Variants in FANCM observed in about 807,000 individuals in gnomAD.
FANCM encodes FA complementation group M.
In FANCM, 140 loss-of-function variants were observed where a neutral mutation model predicts 199.5. The observed-to-expected ratio is 0.70, with a 90% CI of 0.61 to 0.81. FANCM has a LOEUF of 0.81. FANCM is among the 30% of genes least tolerant of loss of function. The pLI, the probability that FANCM is intolerant of heterozygous loss-of-function variation, is 0.00. For missense variants in FANCM, 2,410 were observed against 2,421.4 expected (o/e 1.00, Z 0.10); for synonymous variants, 840 against 836.8 (o/e 1.00, Z -0.07).
intron 20 of FANCM, among the ~76,000 whole-genome samples, chr14:45,190,343 T>C (rs1029197193): frequency 5.9e-5 from 9 of 152,208 alleles, no homozygotes; most frequent in African/African-American, 2.2e-4. Context: ...GAATTGACAA[T>C]TGTATATATT....
chr14:45,186,340 G>A (rs1448983054), intron 18 of FANCM, among the ~76,000 whole-genome samples: 2 of 152,156 alleles, frequency 1.3e-5, no homozygotes, highest in Non-Finnish European at 2.9e-5. Context: ...GCCATGTAAG[G>A]GCAGTTTACT....
rs1382403502 is a variant in FANCM, at chr14:45,198,933, C to T, written c.6006C>T (p.Asn2002=). The T allele has an allele frequency of 3.8e-6, 6 of 1,599,516 alleles. No individual in the cohort carries two copies. The highest frequency in any genetic ancestry group is 2.2e-5 in the South Asian group (2 of 90,586). The part of the protein sequence containing the change: ...HQFSSVKRMA[N]SSLQEISMYA... Reference sequence around the variant, plus strand: ...TTTCATCTGTGAAAAGGATGGCTAACAGGTATGTCTGTTGTAATATTTTTA... The same window carrying T: ...TTTCATCTGTGAAAAGGATGGCTAATAGGTATGTCTGTTGTAATATTTTTA... The change falls in exon 22 of 23, where the codon AAC becomes AAT. Residue 2002 remains asparagine, a splice_region_variant and synonymous_variant. Coordinates refer to ENST00000267430, the MANE Select transcript of FANCM (RefSeq NM_020937.4).
chr14:45,141,052 G>C (rs1343728968), intron 3 of FANCM, among the ~76,000 whole-genome samples: 1 of 152,078 alleles, frequency 6.6e-6, no homozygotes, highest in Admixed American at 6.6e-5. Context: ...ACTCTGGGAG[G>C]CCAAGGTGGG....
rs1370048715 is a variant in FANCM, at chr14:45,136,135, C to G, written c.104C>G (p.Pro35Arg). The change falls in exon 1 of 23, where the codon CCT becomes CGT. Residue 35 changes from proline (P) to arginine (R), a missense_variant. Pro to Arg is a moderately radical substitution (Grantham distance 103). Transcript: ENST00000267430. The stretch of plus-strand genomic sequence containing the variant: ...TCCGGAACTGAGCGACCTCAGAGCC[C>G]TGGCAGCTCCAAGGCGCCTTTGCCA... ...CSSGTERPQS[P>R]GSSKAPLPAA... 1 of 1,614,182 alleles carries G rather than the reference C, an allele frequency of 6.2e-7. No individual in the cohort carries two copies. Among genetic ancestry groups the G allele is most frequent in the Non-Finnish European group, 8.5e-7 (1 of 1,180,030 alleles).
chr14:45,164,885 T>TA, intron 10 of FANCM, among the ~76,000 whole-genome samples: 1 of 152,368 alleles, frequency 6.6e-6, no homozygotes, highest in East Asian at 1.9e-4. Context: ...GCTTTGTGTT[T>TA]AGTTTACTTT....
rs201803784 is a variant in FANCM, at chr14:45,187,817, G to A, written c.4709G>A (p.Arg1570His). The change falls in exon 19 of 23, where the codon CGT (arginine) becomes CAT (histidine). Residue 1570 changes from arginine (R) to histidine (H), a missense_variant. Physicochemically the swap from Arg to His is conservative, Grantham distance 29. Transcript: ENST00000267430. ...AGAGCTATTTACATGAAATCTTTGC[G>A]TAGTCCAATGATGAACAATAAGTAC... is the stretch of plus-strand genomic sequence containing the variant. ...EMRAIYMKSL[R>H]SPMMNNKYKM... The A allele has an allele frequency of 8.2e-5, 130 of 1,582,112 alleles. No homozygotes were observed. In the East Asian group the frequency reaches 1.4e-3, roughly 17 times the overall value.
chr14:45,162,523 T>A (rs1316144085), intron 9 of FANCM, among the ~76,000 whole-genome samples: 2 of 152,222 alleles, frequency 1.3e-5, no homozygotes, highest in Non-Finnish European at 2.9e-5. Flanking sequence ...CCAACAAAAT[T>A]ACTCTGTCAA....
In FANCM at chr14:45,176,011, A is replaced by G. The variant is rs565047214; in HGVS notation, c.3257A>G (p.His1086Arg). Residue 1086 changes from histidine to arginine, a missense_variant, in exon 14 of 23, where the codon CAT becomes CGT. Transcript: ENST00000267430. ...DEPSLCDCDVHKHNQNENLVP... is the reference protein window; with the variant it reads ...DEPSLCDCDVRKHNQNENLVP... ...CCAAGTCTCTGTGACTGTGATGTAC[A>G]TAAACATAATCAAAATGAAAATTTA... 1.2e-6 allele frequency: 2 copies of G among 1,613,690 alleles called. No homozygotes were observed. Among genetic ancestry groups the G allele is most frequent in the East Asian group, 2.2e-5 (1 of 44,870 alleles).
At chr14:45,184,729 G>T (rs762196156) in intron 17 of FANCM, among the ~76,000 whole-genome samples, 2 of 147,490 alleles carry the variant, frequency 1.4e-5, no homozygotes, top group East Asian at 2.0e-4. Context: ...AGAATTATCA[G>T]AATTTTTAAA....
At position 45,175,541 on chromosome 14, in the gene FANCM, T is replaced by G. The variant is rs200686372; in HGVS notation, c.2787T>G (p.Phe929Leu). 6.2e-7 allele frequency: 1 copy of G among 1,613,076 alleles called. No individual in the cohort carries two copies. The highest frequency in any genetic ancestry group is 1.7e-5 in the Admixed American group (1 of 60,004). ...EPCVLLTECQ[F>L]TNKSTSSLAG... ...GTGTGTTATTAACAGAGTGTCAGTTTACAAATAAATCCACTAGTTCACTTG... is the reference window on the plus strand; with the variant it reads ...GTGTGTTATTAACAGAGTGTCAGTTGACAAATAAATCCACTAGTTCACTTG... The change falls in exon 14 of 23, where the codon TTT becomes TTG. Residue 929 changes from phenylalanine (F) to leucine (L), a missense_variant. By Grantham distance (22) the Phe-to-Leu change is conservative. Coordinates refer to ENST00000267430, the MANE Select transcript of FANCM (RefSeq NM_020937.4).
intron 11 of FANCM, 181 bp downstream of exon 11, chr14:45,167,344 G>C: frequency 1.7e-6 from 1 of 584,180 alleles, no homozygotes; most frequent in Non-Finnish European, 3.0e-6. Flanking sequence ...GACACTGGTA[G>C]TATAGAGTGA....
Position 45,170,572 on chromosome 14 carries a change from A to G in FANCM, c.2003-17A>G. The G allele has an allele frequency of 6.4e-7, 1 of 1,570,210 alleles. No homozygotes were observed. The highest frequency in any genetic ancestry group is 2.2e-5 in the East Asian group (1 of 44,462). ...ATTTTTAAAAAGTCTCTTTTCCATT[A>G]TTTTTTCAACTTATAGGAATGAGGC... On this transcript the variant is annotated splice_polypyrimidine_tract_variant and intron_variant, in intron 11 of 22. Coordinates refer to ENST00000267430, the MANE Select transcript of FANCM (RefSeq NM_020937.4).
intron 21 of FANCM, 200 bp from the exon 22 acceptor site, chr14:45,198,444 A>C: frequency 2.2e-6 from 1 of 445,156 alleles, no homozygotes; most frequent in Non-Finnish European, 4.0e-6. Flanking sequence ...CGTTGATTCC[A>C]GCTCAAGGCG....
At chr14:45,167,809 A>G (rs565312719) in intron 11 of FANCM, among the ~76,000 whole-genome samples, 7 of 152,252 alleles carry the variant, frequency 4.6e-5, no homozygotes, top group Admixed American at 2.0e-4. Flanking sequence ...TAACATTTGG[A>G]AGGAACCTTG....
chr14:45,169,395 TC>T (rs1398380049), intron 11 of FANCM, among the ~76,000 whole-genome samples: 5 of 150,872 alleles, frequency 3.3e-5, no homozygotes, highest in Admixed American at 3.3e-4. Flanking sequence ...TTTTTTTTTT[TC>T]ATTTTTAATT....
At position 45,136,051 on chromosome 14, in the gene FANCM, C is replaced by A. The variant is rs1248885674; in HGVS notation, c.20C>A (p.Thr7Lys). 6.2e-7 allele frequency: 1 copy of A among 1,613,630 alleles called. No homozygotes were observed. The highest frequency in any genetic ancestry group is 1.3e-5 in the African/African-American group (1 of 75,042). ...GGCCTAATGAGCGGACGGCAAAGAA[C>A]GCTTTTTCAGACGTGGGGCTCAAGT... MSGRQR[T>K]LFQTWGSSIS... Residue 7 changes from threonine to lysine, a missense_variant, in exon 1 of 23, where the codon ACG (threonine) becomes AAG (lysine). By Grantham distance (78) the Thr-to-Lys change is moderately conservative (BLOSUM62 -1). Coordinates refer to ENST00000267430, the MANE Select transcript of FANCM (RefSeq NM_020937.4).
chr14:45,187,451 A>G (rs555525511), intron 18 of FANCM, among the ~76,000 whole-genome samples: 5 of 152,138 alleles, frequency 3.3e-5, no homozygotes, highest in Admixed American at 2.6e-4. Context: ...TGAAACTTCT[A>G]TAAATCTGGT....
chr14:45,198,677 G>A lies in FANCM; in HGVS notation c.5750G>A (p.Ser1917Asn), dbSNP rs747532888. The change falls in exon 22 of 23, where the codon AGC (serine) becomes AAC (asparagine). Residue 1917 changes from serine to asparagine, a missense_variant. By Grantham distance (46) the Ser-to-Asn change is conservative. Transcript: ENST00000267430. The stretch of plus-strand genomic sequence containing the variant: ...TCAAGGATGTTTAGGAGAACAAAGA[G>A]CTATGACAGCCTGCTGACTACCTTA... ...DTSRMFRRTK[S>N]YDSLLTTLIG... 3.0e-5 allele frequency: 48 copies of A among 1,613,470 alleles called. No individual in the cohort carries two copies. The highest frequency in any genetic ancestry group is 3.9e-5 in the Non-Finnish European group (46 of 1,179,482).
In FANCM at chr14:45,195,038, C is replaced by A. The variant is rs139381705; in HGVS notation, c.5341-1134C>A. On this transcript the variant is annotated intron_variant, in intron 20 of 22. Coordinates refer to ENST00000267430, the MANE Select transcript of FANCM (RefSeq NM_020937.4). Reference sequence around the variant, plus strand: ...TGCTGGGATTACAGGTGTGAGCCACCGCTGTATCATATTTTTATTACTACC... The same window carrying A: ...TGCTGGGATTACAGGTGTGAGCCACAGCTGTATCATATTTTTATTACTACC... Among the ~76,000 whole-genome samples the A allele has an allele frequency of 1.5e-3, 223 of 152,214 alleles. 5 individuals are homozygous for A. Among genetic ancestry groups the A allele is most frequent in the Non-Finnish European group, 1.9e-3 (132 of 68,008 alleles).
Sources: gnomAD v4.1 joint callset for allele counts (sites outside exome capture counted in the v4.1 genomes callset) on GRCh38, gnomAD v4.1.1 for gene constraint, MANE v1.5 for transcripts, NCBI Gene and HGNC (gene_info 2026-07-23, HGNC 2026-07-21) for gene names.